The following RGSL1 variants were observed in gnomAD, a reference collection of about 807,000 sequenced individuals.
RGSL1 encodes regulator of G protein signaling protein-like.
RGSL1 carries 97 observed loss-of-function variants against 124.7 expected under a neutral mutation model. The observed-to-expected ratio is 0.78, with a 90% confidence interval of 0.66 to 0.92. RGSL1 has a LOEUF of 0.92. RGSL1 is among the 40% of genes least tolerant of loss of function. The probability of loss-of-function intolerance (pLI) is 0.00; values close to 1 mark genes in which losing one functional copy is unlikely to be tolerated. For synonymous variants in RGSL1, 424 were observed against 438.1 expected (o/e 0.97, Z 0.40); for missense variants, 1,233 against 1,288.4 (o/e 0.96, Z 0.66).
chr1:182,551,518 C>T (rs1238983761), intron 18 of RGSL1, among the ~76,000 whole-genome samples: 1 of 152,202 alleles, frequency 6.6e-6, no homozygotes, highest in African/African-American at 2.4e-5. Context: ...AAGAAGCCCC[C>T]TGCTCTATCT....
At chr1:182,502,397 G>A (rs956007059) in intron 9 of RGSL1, among the ~76,000 whole-genome samples, 1 of 152,098 alleles carries the variant, frequency 6.6e-6, no homozygotes, top group Admixed American at 6.5e-5. Flanking sequence ...AGCACATAAT[G>A]AGACCCTGTC....
At chr1:182,549,916 T>C (rs1660456743) in intron 17 of RGSL1, 1 of 152,192 alleles carries the variant, frequency 6.6e-6, no homozygotes, top group Non-Finnish European at 1.5e-5. Context: ...CCAGAGACTT[T>C]TGGAGGGATT....
intron 9 of RGSL1, among the ~76,000 whole-genome samples, chr1:182,494,397 A>T (rs1046794359): frequency 1.3e-5 from 2 of 152,238 alleles, no homozygotes; most frequent in African/African-American, 4.8e-5. Flanking sequence ...TACAGGAGCC[A>T]CTAGCCCCAT....
At chr1:182,553,408 A>C in intron 18 of RGSL1, 47 bp from the exon 19 acceptor site, 1 of 1,375,946 alleles carries the variant, frequency 7.3e-7, no homozygotes, top group Non-Finnish European at 1.0e-6. Flanking sequence ...TTATTTCAGT[A>C]GGAGTTGTCG....
intron 6 of RGSL1, among the ~76,000 whole-genome samples, chr1:182,485,373 T>G (rs1164084915): frequency 6.6e-6 from 1 of 152,180 alleles, no homozygotes; most frequent in African/African-American, 2.4e-5. Context: ...TAGTTATTCA[T>G]GTATTGTTTC....
chr1:182,460,367 A>C (rs1204631875), intron 4 of RGSL1, among the ~76,000 whole-genome samples: 1 of 152,232 alleles, frequency 6.6e-6, no homozygotes, highest in Non-Finnish European at 1.5e-5. Context: ...GGCAATAGGT[A>C]AACTCTTAGC....
intron 20 of RGSL1, 165 bp from the exon 21 acceptor site, chr1:182,555,859 G>A (rs1384869684): frequency 3.1e-6 from 2 of 636,414 alleles, no homozygotes; most frequent in Non-Finnish European, 5.6e-6. Context: ...AGGCCTTGGG[G>A]AAGAAGGTGA....
intron 14 of RGSL1, among the ~76,000 whole-genome samples, chr1:182,534,487 A>G (rs1659404385): frequency 6.6e-6 from 1 of 152,130 alleles, no homozygotes; most frequent in Non-Finnish European, 1.5e-5. Context: ...AAAAGTTTGT[A>G]TTATCTTTTA....
chr1:182,510,722 G>C (rs1241467597), intron 9 of RGSL1, among the ~76,000 whole-genome samples: 1 of 145,706 alleles, frequency 6.9e-6, no homozygotes, highest in African/African-American at 2.6e-5. Flanking sequence ...TTGACTATTT[G>C]TATGTTTTCT....
rs12083859 is a variant in RGSL1 at position 182,453,959 on chromosome 1, G to T, written c.15G>T (p.Glu5Asp). 2.6e-3 allele frequency: 3,867 copies of T among 1,474,866 alleles called. 67 individuals carry two copies. The African/African-American group carries it at 0.046, about 17-fold the overall frequency. The allele number at this position is 1,474,866 out of a possible 1,614,324, so 91.4% of individuals were successfully genotyped here. A position where few individuals can be genotyped will look rare whatever the true frequency, so the allele number is the denominator to read the frequency against. The change falls in exon 2 of 22, where the codon GAG becomes GAT. Residue 5 changes from glutamate to aspartate, a missense_variant and splice_region_variant. Glu to Asp is a conservative substitution (Grantham distance 45). Transcript: ENST00000294854. ...TTTTATTTCTCTCTCTCCATATAGA[G>T]ATAATTGGTTCTACAAATCTTATAA... MSSA[E>D]IIGSTNLIIL... is the part of the protein sequence containing the mutation.
At chr1:182,491,523 C>T (rs1180174026) in intron 8 of RGSL1, among the ~76,000 whole-genome samples, 2 of 152,090 alleles carry the variant, frequency 1.3e-5, no homozygotes, top group Admixed American at 1.3e-4. Context: ...CCACTATCAT[C>T]TTTTATACAG....
chr1:182,496,255 G>A (rs1431712318), intron 9 of RGSL1, among the ~76,000 whole-genome samples: 1 of 152,116 alleles, frequency 6.6e-6, no homozygotes, highest in East Asian at 1.9e-4. Flanking sequence ...ACAGTACCAA[G>A]GGGATGGTGA....
At chr1:182,531,272 A>G (rs1345044897) in intron 13 of RGSL1, among the ~76,000 whole-genome samples, 2 of 152,158 alleles carry the variant, frequency 1.3e-5, no homozygotes, top group Non-Finnish European at 2.9e-5. Context: ...CTGTATAACA[A>G]AAGGTGAGCT....
intron 20 of RGSL1, chr1:182,554,939 G>A: frequency 1.9e-6 from 1 of 520,314 alleles, no homozygotes; most frequent in South Asian, 2.6e-5. Context: ...CCACTTTTCA[G>A]TAGAACAATA....
At chr1:182,498,636 T>G (rs924595205) in intron 9 of RGSL1, among the ~76,000 whole-genome samples, 1 of 152,194 alleles carries the variant, frequency 6.6e-6, no homozygotes, top group African/African-American at 2.4e-5. Context: ...TTGTATGGTT[T>G]TGAGTGATCT....
At chr1:182,492,977 A>G in intron 8 of RGSL1, 45 bp from the exon 9 acceptor site, 1 of 1,311,696 alleles carries the variant, frequency 7.6e-7, no homozygotes, top group East Asian at 2.5e-5. Context: ...TTGAACCCAG[A>G]CTTTGGACAA....
At chr1:182,466,860 C>A (rs1346329144) in intron 4 of RGSL1, among the ~76,000 whole-genome samples, 1 of 152,104 alleles carries the variant, frequency 6.6e-6, no homozygotes, top group African/African-American at 2.4e-5. Context: ...ACAGCCATAA[C>A]AATTTTGAAA....
At chr1:182,497,156 T>C (rs1655977436) in intron 9 of RGSL1, among the ~76,000 whole-genome samples, 1 of 151,956 alleles carries the variant, frequency 6.6e-6, no homozygotes, top group Non-Finnish European at 1.5e-5. Flanking sequence ...AGTAAATATA[T>C]ATGCTGTCCA....
intron 9 of RGSL1, among the ~76,000 whole-genome samples, chr1:182,508,139 C>T (rs1656964867): frequency 6.6e-6 from 1 of 152,072 alleles, no homozygotes; most frequent in Admixed American, 6.5e-5. Flanking sequence ...AATTTACATT[C>T]CTACCGACAA....
Sources: gnomAD v4.1 joint callset for allele counts (sites outside exome capture counted in the v4.1 genomes callset) on GRCh38, gnomAD v4.1.1 for gene constraint, MANE v1.5 for transcripts, NCBI Gene and HGNC (gene_info 2026-07-23, HGNC 2026-07-21) for gene names.